POU6F2: variants seen among roughly 807,000 people sequenced by gnomAD.
POU6F2 encodes the protein POU class 6 homeobox 2, also known as POU domain, class 6, transcription factor 2.
Under a neutral mutation model 71.3 loss-of-function variants are expected in POU6F2, and 31 were observed. The observed-to-expected ratio is 0.43, with a 90% CI of 0.33 to 0.59. The LOEUF is 0.59. Among genes scored for constraint, POU6F2 ranks in the 20% least tolerant of loss-of-function variants. The pLI, the probability that POU6F2 is intolerant of heterozygous loss-of-function variation, is 0.04. For missense variants in POU6F2, 783 were observed against 856.8 expected, an observed-to-expected ratio of 0.91 and a Z score of 1.07; for synonymous variants, 347 against 355.7, an observed-to-expected ratio of 0.98 and a Z score of 0.27.
At position 39,285,039 on chromosome 7, in the gene POU6F2, A is replaced by AG. The variant is rs561221097; in HGVS notation, c.599-54599dup. Among the ~76,000 whole-genome samples, 20 of 152,294 alleles carry AG rather than the reference A, an allele frequency of 1.3e-4. No individual in the cohort carries two copies. The East Asian group carries it at 1.9e-3, about 15-fold the overall frequency. ...CAAGCCCACAGCTTGCATCCCTCAC[A>AG]GGGGATACCATTACATCTTACAGAG... is the stretch of plus-strand genomic sequence containing the variant. On this transcript the variant is annotated intron_variant, in intron 4 of 9. Transcript: ENST00000518318.
intron 4 of POU6F2, among the ~76,000 whole-genome samples, chr7:39,243,235 A>G (rs1269696018): frequency 6.6e-6 from 1 of 152,116 alleles, no homozygotes; most frequent in East Asian, 1.9e-4. Flanking sequence ...TGGCCCCCAA[A>G]AGTAGCAGAC....
intron 1 of POU6F2, among the ~76,000 whole-genome samples, chr7:38,978,552 T>C (rs1233841985): frequency 6.6e-6 from 1 of 152,226 alleles, no homozygotes; most frequent in Non-Finnish European, 1.5e-5. Flanking sequence ...CCTTGACTTC[T>C]AACCCAGATA....
intron 4 of POU6F2, among the ~76,000 whole-genome samples, chr7:39,323,760 T>C (rs892867602): frequency 2.0e-5 from 3 of 149,250 alleles, no homozygotes; most frequent in African/African-American, 7.3e-5. Context: ...CATTAGTTAA[T>C]TTAATAAATG....
In POU6F2 at chr7:39,000,356, T is replaced by C. The variant is rs557375503; in HGVS notation, c.105+22298T>C. Among the ~76,000 whole-genome samples the C allele has an allele frequency of 1.5e-4, 23 of 152,334 alleles. No individual in the cohort carries two copies. The East Asian group carries it at 3.7e-3, about 24-fold the overall frequency. On this transcript the variant is annotated intron_variant, in intron 1 of 9. Transcript: ENST00000518318. ...TTTAACACTGATTCACTTATAAGGC[T>C]TTTACTTCTAGCGATCACTTGGACT...
At chr7:39,347,319 T>C (rs1304643123) in intron 5 of POU6F2, among the ~76,000 whole-genome samples, 1 of 152,008 alleles carries the variant, frequency 6.6e-6, no homozygotes, top group Non-Finnish European at 1.5e-5. Flanking sequence ...GTGCACACAA[T>C]AAAATGATGC....
chr7:39,270,770 A>G (rs1472942124), intron 4 of POU6F2, among the ~76,000 whole-genome samples: 1 of 152,126 alleles, frequency 6.6e-6, no homozygotes, highest in East Asian at 1.9e-4. Flanking sequence ...ACACATCTCT[A>G]GAATGTGGAT....
chr7:39,370,326 G>A (rs568174397), intron 5 of POU6F2, among the ~76,000 whole-genome samples: 45 of 152,318 alleles, frequency 3.0e-4, no homozygotes, highest in African/African-American at 1.0e-3. Flanking sequence ...CAACATAAGA[G>A]AACATAGTAA....
At chr7:39,339,100 G>A (rs949745506) in intron 4 of POU6F2, among the ~76,000 whole-genome samples, 4 of 149,890 alleles carry the variant, frequency 2.7e-5, no homozygotes, top group Non-Finnish European at 4.4e-5. Flanking sequence ...AAAAAAAACA[G>A]TTAGAAATTT....
chr7:38,992,630 G>A (rs10266575), intron 1 of POU6F2, among the ~76,000 whole-genome samples: 16 of 152,264 alleles, frequency 1.1e-4, no homozygotes, highest in African/African-American at 3.9e-4. Context: ...CATGACCAAA[G>A]GAGCATGACT....
intron 7 of POU6F2, among the ~76,000 whole-genome samples, chr7:39,436,139 G>GT (rs1178191372): frequency 3.9e-5 from 6 of 152,096 alleles, no homozygotes; most frequent in Non-Finnish European, 7.4e-5. Flanking sequence ...ATTTAAAATA[G>GT]TTTTTTCTAA....
chr7:39,060,637 A>G (rs991903772), intron 1 of POU6F2, among the ~76,000 whole-genome samples: 4 of 152,228 alleles, frequency 2.6e-5, no homozygotes, highest in Non-Finnish European at 4.4e-5. Context: ...TGCAGCTGGT[A>G]GTCCAACAAT....
chr7:39,396,578 G>A (rs1035266438), intron 5 of POU6F2, among the ~76,000 whole-genome samples: 1 of 152,118 alleles, frequency 6.6e-6, no homozygotes. Context: ...TCCAGGCTTC[G>A]TGAAGCCATC....
chr7:39,221,062 T>G (rs902195474), intron 4 of POU6F2, among the ~76,000 whole-genome samples: 4 of 152,200 alleles, frequency 2.6e-5, no homozygotes, highest in African/African-American at 9.7e-5. Flanking sequence ...CTTTAAATTT[T>G]TTTAAAATAT....
Position 39,412,969 on chromosome 7 carries a change from T to G in POU6F2, c.1113+6229T>G, listed in dbSNP as rs369072397. 4.9e-4 allele frequency among the ~76,000 whole-genome samples: 73 copies of G among 150,504 alleles called. No homozygotes were observed. In the Middle Eastern group the frequency reaches 0.01, roughly 21 times the overall value. On this transcript the variant is annotated intron_variant, in intron 6 of 9. Coordinates refer to ENST00000518318, the MANE Select transcript of POU6F2 (RefSeq NM_001370959.1). ...GTGCCTGCCACCACGCCTGGCTAATTTTTTTTTGTATTTTTTAGTAGAGAC... is the reference window on the plus strand; with the variant it reads ...GTGCCTGCCACCACGCCTGGCTAATGTTTTTTTGTATTTTTTAGTAGAGAC...
intron 1 of POU6F2, among the ~76,000 whole-genome samples, chr7:38,989,490 A>C (rs942974141): frequency 1.3e-5 from 2 of 152,088 alleles, no homozygotes; most frequent in African/African-American, 4.8e-5. Context: ...ATTTGGGATT[A>C]TAAAATAGCA....
chr7:39,233,003 A>G (rs1223727270), intron 4 of POU6F2, among the ~76,000 whole-genome samples: 1 of 152,190 alleles, frequency 6.6e-6, no homozygotes, highest in African/African-American at 2.4e-5. Context: ...ATTTTAGCTT[A>G]TTTAGATCAC....
At chr7:39,283,515 T>C (rs977342855) in intron 4 of POU6F2, among the ~76,000 whole-genome samples, 1 of 152,350 alleles carries the variant, frequency 6.6e-6, no homozygotes, top group Middle Eastern at 3.4e-3. Context: ...GTAAATGGAA[T>C]CATACAGTGT....
At chr7:39,074,298 A>G (rs891739338) in intron 1 of POU6F2, among the ~76,000 whole-genome samples, 3 of 152,144 alleles carry the variant, frequency 2.0e-5, no homozygotes, top group Admixed American at 6.5e-5. Flanking sequence ...TGTCTGGCCA[A>G]CATAGTGACA....
intron 2 of POU6F2, among the ~76,000 whole-genome samples, chr7:39,128,042 C>T (rs1271787699): frequency 6.6e-6 from 1 of 151,460 alleles, no homozygotes; most frequent in Non-Finnish European, 1.5e-5. Flanking sequence ...GGGGTTTCAC[C>T]GTGTTAGCCA....
Sources: allele counts gnomAD v4.1 joint callset (sites outside exome capture counted in the v4.1 genomes callset), GRCh38; gene constraint gnomAD v4.1.1; transcripts MANE v1.5; gene names NCBI Gene and HGNC (gene_info 2026-07-23, HGNC 2026-07-21).